HORMAD2: variants seen among roughly 807,000 people sequenced by gnomAD.
The protein encoded by HORMAD2 is HORMA domain-containing protein 2.
HORMAD2 carries 45 observed loss-of-function variants against 38.8 expected under a neutral mutation model. The ratio of observed to expected loss-of-function variants is 1.16; its 90% CI spans 0.91 to 1.49. The LOEUF is 1.49. Among genes scored for constraint, HORMAD2 ranks in the 40% most tolerant of loss-of-function variants. The probability of loss-of-function intolerance (pLI) is 0.00; values close to 1 mark genes in which losing one functional copy is unlikely to be tolerated. For synonymous variants in HORMAD2, 126 were observed against 122.8 expected (o/e 1.03, Z -0.17); for missense variants, 338 against 367.0 (o/e 0.92, Z 0.65).
At position 30,098,931 on chromosome 22, in the gene HORMAD2, C is replaced by G; in HGVS notation, c.131C>G (p.Ser44Ter). 3 of 1,613,318 alleles carry G rather than the reference C, an allele frequency of 1.9e-6. No individual in the cohort carries two copies. Among genetic ancestry groups the G allele is most frequent in the Non-Finnish European group, 2.5e-6 (3 of 1,179,378 alleles). The stretch of plus-strand genomic sequence containing the variant: ...AAGAAACTTTTTGCTACTTCCATCT[C>G]ATGTATAACATACCTAAGGGGCCTG... ...MVKKLFATSI[S>*]CITYLRGLFP... Residue 44 changes from serine to a stop codon, truncating the protein, a stop_gained, in exon 3 of 11, where the codon TCA becomes TGA. Coordinates refer to ENST00000336726, the MANE Select transcript of HORMAD2 (RefSeq NM_152510.4). LOFTEE classifies it high-confidence loss of function.
intron 10 of HORMAD2, among the ~76,000 whole-genome samples, chr22:30,147,836 G>A (rs1272271736): frequency 6.6e-6 from 1 of 152,152 alleles, no homozygotes; most frequent in South Asian, 2.1e-4. Context: ...TGGGCTGGGC[G>A]TGGTGGCTCA....
intron 10 of HORMAD2, among the ~76,000 whole-genome samples, chr22:30,158,939 C>T (rs1224234255): frequency 2.0e-5 from 3 of 152,042 alleles, no homozygotes; most frequent in Non-Finnish European, 4.4e-5. Flanking sequence ...CACACCTCGG[C>T]CTCCAAAAGT....
chr22:30,089,656 T>A (rs2068647386), intron 1 of HORMAD2, among the ~76,000 whole-genome samples: 1 of 152,152 alleles, frequency 6.6e-6, no homozygotes, highest in East Asian at 1.9e-4. Flanking sequence ...CGGCTGCTTC[T>A]TTTTTATATC....
intron 10 of HORMAD2, among the ~76,000 whole-genome samples, chr22:30,155,456 T>C (rs905216935): frequency 6.6e-6 from 1 of 152,186 alleles, no homozygotes; most frequent in Admixed American, 6.5e-5. Context: ...TTGGCTCTTG[T>C]ATTCTTTGAC....
At chr22:30,162,143 T>C (rs1925481580) in intron 10 of HORMAD2, among the ~76,000 whole-genome samples, 1 of 152,120 alleles carries the variant, frequency 6.6e-6, no homozygotes, top group African/African-American at 2.4e-5. Flanking sequence ...TGAAAACCCG[T>C]CTCTACCAAA....
upstream of HORMAD2, chr22:30,080,424 C>G (rs1021491530): frequency 3.3e-5 from 5 of 152,324 alleles, no homozygotes; most frequent in African/African-American, 1.2e-4. Flanking sequence ...TATTCATGAG[C>G]CGAGGAGCGG....
the HORMAD2 span, among the ~76,000 whole-genome samples, chr22:30,199,979 C>T: frequency 0.052 from 7,855 of 152,098 alleles, 239 homozygotes; most frequent in South Asian, 0.1. Flanking sequence ...TCCAGTGGCA[C>T]GACCTCAGCT....
intron 10 of HORMAD2, among the ~76,000 whole-genome samples, chr22:30,126,295 A>G (rs1252863444): frequency 6.6e-6 from 1 of 151,954 alleles, no homozygotes; most frequent in Non-Finnish European, 1.5e-5. Context: ...CAGCCTCTCA[A>G]GTAGCTGGGA....
At chr22:30,194,809 G>A in the HORMAD2 span, among the ~76,000 whole-genome samples, 1 of 152,126 alleles carries the variant, frequency 6.6e-6, no homozygotes, top group Non-Finnish European at 1.5e-5. Flanking sequence ...ACATTGCTTT[G>A]GCCAACACAG....
At chr22:30,085,406 G>A (rs2068554002) in intron 1 of HORMAD2, among the ~76,000 whole-genome samples, 2 of 152,168 alleles carry the variant, frequency 1.3e-5, no homozygotes, top group Admixed American at 1.3e-4. Context: ...ATATTAAACA[G>A]ATGGTTGCAG....
At chr22:30,078,694 G>C (rs962630691), upstream of HORMAD2, among the ~76,000 whole-genome samples, 6 of 151,018 alleles carry the variant, frequency 4.0e-5, no homozygotes, top group Non-Finnish European at 5.9e-5. Context: ...GTGTTTGCTG[G>C]TGGGGTAGAC....
At chr22:30,117,698 AG>A in intron 7 of HORMAD2, among the ~76,000 whole-genome samples, 2 of 152,124 alleles carry the variant, frequency 1.3e-5, no homozygotes, top group East Asian at 3.9e-4. Context: ...TAGTAGAGAC[AG>A]GGTTTTCCCA....
intron 10 of HORMAD2, among the ~76,000 whole-genome samples, chr22:30,142,213 A>G (rs542607054): frequency 3.6e-4 from 55 of 152,328 alleles, no homozygotes; most frequent in African/African-American, 1.2e-3. Flanking sequence ...TGGGAGGTAA[A>G]GGTTGTAGTG....
At position 30,110,804 on chromosome 22, in the gene HORMAD2, A is replaced by T. The variant is rs11913656; in HGVS notation, c.295-992A>T. Reference sequence around the variant, plus strand: ...TCCACTTATATATGGATTATTTTCAATAAATACAGTTGGCCCTCTGTATCT... The same window carrying T: ...TCCACTTATATATGGATTATTTTCATTAAATACAGTTGGCCCTCTGTATCT... On this transcript the variant is annotated intron_variant, in intron 5 of 10. Coordinates refer to ENST00000336726, the MANE Select transcript of HORMAD2 (RefSeq NM_152510.4). Among the ~76,000 whole-genome samples, 474 of 152,218 alleles carry T rather than the reference A, an allele frequency of 3.1e-3. 9 individuals are homozygous for T. The highest frequency in any genetic ancestry group is 0.011 in the African/African-American group (458 of 41,556).
chr22:30,135,097 C>T (rs963979096), intron 10 of HORMAD2, among the ~76,000 whole-genome samples: 1 of 149,284 alleles, frequency 6.7e-6, no homozygotes, highest in Non-Finnish European at 1.5e-5. Context: ...AAAACTCATA[C>T]TCAACCTGTT....
At chr22:30,201,790 C>T in the HORMAD2 span, among the ~76,000 whole-genome samples, 1 of 152,048 alleles carries the variant, frequency 6.6e-6, no homozygotes, top group Non-Finnish European at 1.5e-5. Flanking sequence ...GACGAGGCTA[C>T]ATCTAGAAGT....
At chr22:30,157,847 A>G (rs1199755524) in intron 10 of HORMAD2, among the ~76,000 whole-genome samples, 1 of 152,210 alleles carries the variant, frequency 6.6e-6, no homozygotes, top group Non-Finnish European at 1.5e-5. Flanking sequence ...AAAATTCACC[A>G]TGCCAGCTTA....
intron 1 of HORMAD2, 91 bp from the exon 2 acceptor site, chr22:30,093,825 T>C: frequency 1.7e-6 from 1 of 596,670 alleles, no homozygotes; most frequent in Non-Finnish European, 2.9e-6. Flanking sequence ...TTTGTTTGCT[T>C]TTAGACTTTT....
chr22:30,118,807 G>A (rs1922230421), intron 7 of HORMAD2, among the ~76,000 whole-genome samples, 173 bp from the exon 8 acceptor site: 1 of 152,092 alleles, frequency 6.6e-6, no homozygotes, highest in African/African-American at 2.4e-5. Context: ...GAAAAACTAG[G>A]TTGTCTTTAT....
Sources: allele counts gnomAD v4.1 joint callset (sites outside exome capture counted in the v4.1 genomes callset), GRCh38; gene constraint gnomAD v4.1.1; transcripts MANE v1.5; gene names NCBI Gene and HGNC (gene_info 2026-07-23, HGNC 2026-07-21).